Variants in MAP4 observed in about 807,000 individuals in gnomAD.
The protein encoded by MAP4 is microtubule-associated protein 4.
MAP4 carries 76 observed loss-of-function variants against 170.2 expected under a neutral mutation model. The observed-to-expected ratio is 0.45, with a 90% CI of 0.37 to 0.54. The LOEUF (loss-of-function observed/expected upper bound fraction) is 0.54. Among genes scored for constraint, MAP4 ranks in the 20% least tolerant of loss-of-function variants. MAP4 has a pLI of 0.00. For missense variants in MAP4, 2,506 were observed against 2,748.0 expected (o/e 0.91, Z 1.97); for synonymous variants, 909 against 994.5 (o/e 0.91, Z 1.62).
At chr3:48,071,361 G>C (rs1373463109) in intron 1 of MAP4, among the ~76,000 whole-genome samples, 1 of 151,592 alleles carries the variant, frequency 6.6e-6, no homozygotes, top group Non-Finnish European at 1.5e-5. Flanking sequence ...GGGCAACATA[G>C]TGAAACCCTG....
intron 1 of MAP4, among the ~76,000 whole-genome samples, chr3:48,035,190 GAAAA>G (rs71625848): frequency 1.2e-5 from 1 of 84,012 alleles, no homozygotes; most frequent in Non-Finnish European, 2.2e-5. Flanking sequence ...TGATTTGTAT[GAAAA>G]AAAAAAAAAA....
chr3:47,892,986 C>T, intron 10 of MAP4: 2 of 535,984 alleles, frequency 3.7e-6, no homozygotes, highest in South Asian at 1.7e-4. Flanking sequence ...AGCTATAACC[C>T]TGAAGAACAA....
intron 3 of MAP4, among the ~76,000 whole-genome samples, chr3:47,949,563 T>C (rs1052979895): frequency 1.4e-5 from 2 of 143,120 alleles, no homozygotes; most frequent in African/African-American, 5.2e-5. Flanking sequence ...TGATGCGGAG[T>C]GGGGTAGGTA....
chr3:48,061,915 G>C (rs1392073913), intron 1 of MAP4, among the ~76,000 whole-genome samples: 1 of 146,590 alleles, frequency 6.8e-6, no homozygotes, highest in African/African-American at 2.5e-5. Context: ...ACCCCGTCCG[G>C]GAGGTGGGGG....
chr3:47,865,575 G>C (rs1269819872), intron 17 of MAP4, among the ~76,000 whole-genome samples: 3 of 152,182 alleles, frequency 2.0e-5, no homozygotes. Flanking sequence ...ACAACTGCTG[G>C]GGGTATCTGT....
At position 47,893,491 on chromosome 3, in the gene MAP4, A is replaced by G. The variant is rs545011232; in HGVS notation, c.5434+9459T>C. ...GCTTGGAGTTTTCCCCACTCACCAG[A>G]GCTTACTGCCCCCATTTAACTCAGC... On this transcript the variant is annotated intron_variant, in intron 10 of 20. Coordinates refer to ENST00000683076, the MANE Select transcript of MAP4 (RefSeq NM_001385682.1). Among the ~76,000 whole-genome samples the G allele has an allele frequency of 5.9e-5, 9 of 152,238 alleles. No homozygotes were observed. In the East Asian group the frequency reaches 1.7e-3, roughly 29 times the overall value.
intron 1 of MAP4, among the ~76,000 whole-genome samples, chr3:48,080,051 A>G (rs1325616164): frequency 6.6e-6 from 1 of 152,226 alleles, no homozygotes; most frequent in African/African-American, 2.4e-5. Flanking sequence ...CTGGGGGAAA[A>G]GCCACTAGTG....
At chr3:48,036,117 T>C (rs2100118629) in intron 1 of MAP4, among the ~76,000 whole-genome samples, 1 of 152,198 alleles carries the variant, frequency 6.6e-6, no homozygotes, top group Admixed American at 6.5e-5. Flanking sequence ...ATTGCTCAGC[T>C]AGTAAAGTGG....
At chr3:48,013,922 C>G (rs563223942) in intron 1 of MAP4, among the ~76,000 whole-genome samples, 5 of 152,208 alleles carry the variant, frequency 3.3e-5, no homozygotes, top group Admixed American at 6.5e-5. Context: ...AAGCACAGCA[C>G]TTTGTATATC....
chr3:47,986,313 T>C (rs996198017), intron 2 of MAP4, among the ~76,000 whole-genome samples: 1 of 151,996 alleles, frequency 6.6e-6, no homozygotes. Context: ...AGTGGTTTTT[T>C]TGTTGCTTTG....
At chr3:48,041,514 A>G (rs1356547866) in intron 1 of MAP4, among the ~76,000 whole-genome samples, 1 of 152,230 alleles carries the variant, frequency 6.6e-6, no homozygotes, top group Non-Finnish European at 1.5e-5. Flanking sequence ...CATGGATCAG[A>G]AGATTTAACA....
At chr3:48,053,939 A>C (rs1320841336) in intron 1 of MAP4, among the ~76,000 whole-genome samples, 1 of 152,178 alleles carries the variant, frequency 6.6e-6, no homozygotes, top group Admixed American at 6.5e-5. Flanking sequence ...ATTCTCTTTT[A>C]TAATTTTTGT....
Position 47,869,471 on chromosome 3 carries a change from T to C in MAP4, c.6295-144A>G. On this transcript the variant is annotated intron_variant, in intron 15 of 20. Transcript: ENST00000683076. ...TGGCCTTTGATCCTAGGCAAAACCA[T>C]ACATTTCCCAGGGTAGACCAAGTCA... 4.8e-6 allele frequency: 3 copies of C among 627,450 alleles called. No homozygotes were observed. The South Asian group carries it at 5.7e-5, about 12-fold the overall frequency. The allele number at this position is 627,450 out of a possible 1,614,324, so 38.9% of individuals were successfully genotyped here. A position where few individuals can be genotyped will look rare whatever the true frequency, so the allele number is the denominator to read the frequency against.
At chr3:47,881,446 CTATATATATATATATA>C (rs56923064) in intron 10 of MAP4, among the ~76,000 whole-genome samples, 2,170 of 49,436 alleles carry the variant, frequency 0.044, 150 homozygotes, top group African/African-American at 0.1. Flanking sequence ...GAAAAAACAA[CTATATATATATATATA>C]TATATATATA....
rs983297272 is a variant in MAP4 at position 47,974,451 on chromosome 3, A to G, written c.292+3414T>C. 3 of 983,388 alleles carry G rather than the reference A, an allele frequency of 3.1e-6. No individual in the cohort carries two copies. The South Asian group carries it at 1.4e-4, about 46-fold the overall frequency. 60.9% of individuals were successfully genotyped at this position (983,388 alleles called of 1,614,324 possible). A position where few individuals can be genotyped will look rare whatever the true frequency, so the allele number is the denominator to read the frequency against. On this transcript the variant is annotated intron_variant, in intron 3 of 20. Coordinates refer to ENST00000683076, the MANE Select transcript of MAP4 (RefSeq NM_001385682.1). ...AACAAAAAACAATGTATATCTCAAA[A>G]TCTTTCTCAGAACATGGTGCCAATT... is the stretch of plus-strand genomic sequence containing the variant.
intron 1 of MAP4, among the ~76,000 whole-genome samples, chr3:48,022,816 G>A (rs556624851): frequency 5.9e-5 from 9 of 152,232 alleles, no homozygotes; most frequent in South Asian, 4.1e-4. Flanking sequence ...ACTTGAACCC[G>A]GGAGGCAGAG....
At chr3:48,025,936 T>C (rs184824121) in intron 1 of MAP4, among the ~76,000 whole-genome samples, 11 of 147,530 alleles carry the variant, frequency 7.5e-5, no homozygotes, top group African/African-American at 2.2e-4. Context: ...ATAATAATAA[T>C]AACAATAATA....
chr3:47,989,464 G>T (rs1380124721), intron 2 of MAP4, among the ~76,000 whole-genome samples: 2 of 152,094 alleles, frequency 1.3e-5, no homozygotes, highest in African/African-American at 4.8e-5. Flanking sequence ...ATTAGCTATT[G>T]TTATTCTCAC....
chr3:48,025,975 CTAT>C (rs1484819961), intron 1 of MAP4, among the ~76,000 whole-genome samples: 1 of 149,796 alleles, frequency 6.7e-6, no homozygotes, highest in Non-Finnish European at 1.5e-5. Flanking sequence ...GGCTCCTGGA[CTAT>C]TGTCATTAGA....
Sources: gnomAD v4.1 joint callset for allele counts (sites outside exome capture counted in the v4.1 genomes callset) on GRCh38, gnomAD v4.1.1 for gene constraint, MANE v1.5 for transcripts, NCBI Gene and HGNC (gene_info 2026-07-23, HGNC 2026-07-21) for gene names.